ATRNL1: variants seen among roughly 807,000 people sequenced by gnomAD.
The protein encoded by ATRNL1 is attractin like 1, also known as attractin-like protein 1.
A neutral mutation model predicts 182.7 loss-of-function variants in ATRNL1; 95 were observed. The ratio of observed to expected loss-of-function variants is 0.52; its 90% CI spans 0.44 to 0.62. The LOEUF (loss-of-function observed/expected upper bound fraction) is 0.62, where lower values mean the gene tolerates loss of function less well. Ranked by LOEUF, ATRNL1 falls within the 20% of genes least tolerant of loss-of-function variation. The pLI is 0.00. For missense variants in ATRNL1, 1,471 were observed against 1,679.5 expected (o/e 0.88, Z 2.17); for synonymous variants, 576 against 568.3 (o/e 1.01, Z -0.19).
chr10:115,880,904 C>T (rs1951812421), intron 28 of ATRNL1, among the ~76,000 whole-genome samples: 1 of 152,166 alleles, frequency 6.6e-6, no homozygotes, highest in African/African-American at 2.4e-5. Flanking sequence ...TTGTTTTCCC[C>T]TTGAGAAACC....
chr10:115,643,274 G>A (rs1389121221), intron 26 of ATRNL1, among the ~76,000 whole-genome samples: 3 of 152,058 alleles, frequency 2.0e-5, no homozygotes, highest in Non-Finnish European at 4.4e-5. Context: ...GTATAAATAT[G>A]CAAAAAATAA....
intron 27 of ATRNL1, among the ~76,000 whole-genome samples, chr10:115,772,046 C>A (rs538225240): frequency 6.6e-6 from 1 of 152,236 alleles, no homozygotes; most frequent in South Asian, 2.1e-4. Context: ...TCAGGATAGA[C>A]AGTCCTTACA....
At chr10:115,144,679 G>C (rs759416045) in intron 5 of ATRNL1, among the ~76,000 whole-genome samples, 56 of 152,152 alleles carry the variant, frequency 3.7e-4, no homozygotes, top group Non-Finnish European at 7.5e-4. Context: ...GTTATCTTGG[G>C]AAAGTCAATT....
intron 21 of ATRNL1, among the ~76,000 whole-genome samples, chr10:115,430,277 T>A (rs562138093): frequency 7.9e-5 from 12 of 152,252 alleles, no homozygotes; most frequent in Non-Finnish European, 1.2e-4. Context: ...TGCTATTTCA[T>A]AGCATTAGCT....
At chr10:115,200,689 C>A (rs1244971193) in intron 8 of ATRNL1, among the ~76,000 whole-genome samples, 1 of 141,380 alleles carries the variant, frequency 7.1e-6, no homozygotes, top group South Asian at 2.4e-4. Context: ...AGTAAACATA[C>A]ATGTGCATGT....
At chr10:115,161,072 A>T (rs1323845657) in intron 6 of ATRNL1, among the ~76,000 whole-genome samples, 2 of 151,896 alleles carry the variant, frequency 1.3e-5, no homozygotes, top group Admixed American at 1.3e-4. Context: ...CAAATTTTGC[A>T]TGGGTCATTC....
Position 115,426,129 on chromosome 10 carries a change from A to G in ATRNL1, c.3270-121A>G, listed in dbSNP as rs998428840. 6 of 665,826 alleles carry G rather than the reference A, an allele frequency of 9.0e-6. No individual in the cohort carries two copies. In the Admixed American group the frequency reaches 1.5e-4, roughly 17 times the overall value. 41.2% of individuals were successfully genotyped at this position (665,826 alleles called of 1,614,324 possible). A position where few individuals can be genotyped will look rare whatever the true frequency, so the allele number is the denominator to read the frequency against. ...TCAAAGATGTGTTTTTGAAATTTCA[A>G]ATAATGGTATAGTTTTAAATATGTT... On this transcript the variant is annotated intron_variant, in intron 20 of 28. Transcript: ENST00000355044.
intron 19 of ATRNL1, among the ~76,000 whole-genome samples, chr10:115,389,574 A>ATATG (rs1843903335): frequency 1.7e-5 from 2 of 117,102 alleles, no homozygotes; most frequent in Admixed American, 1.7e-4. Context: ...ATATATATAT[A>ATATG]TATATATATA....
In ATRNL1 at chr10:115,798,018, C is replaced by T. The variant is rs567475934; in HGVS notation, c.3904-49859C>T. Among the ~76,000 whole-genome samples the T allele has an allele frequency of 2.6e-4, 40 of 152,126 alleles. No individual in the cohort carries two copies. The East Asian group carries it at 7.4e-3, about 28-fold the overall frequency. On this transcript the variant is annotated intron_variant, in intron 27 of 28. Transcript: ENST00000355044. ...CTGCAAGCTCTGCCTCCCGGGTTCA[C>T]GCCATTCTCCTGCCTCAGCCTCCTG...
intron 26 of ATRNL1, among the ~76,000 whole-genome samples, chr10:115,605,128 T>C (rs1489728288): frequency 6.6e-6 from 1 of 152,178 alleles, no homozygotes; most frequent in Non-Finnish European, 1.5e-5. Context: ...GTGTCATTTT[T>C]ACACAGTTTA....
At chr10:115,116,919 A>G (rs556077184) in intron 1 of ATRNL1, among the ~76,000 whole-genome samples, 3 of 152,138 alleles carry the variant, frequency 2.0e-5, no homozygotes, top group African/African-American at 7.2e-5. Flanking sequence ...ATAGGACGGG[A>G]CAGGGTGTGT....
chr10:115,566,485 G>A (rs1004038050), intron 26 of ATRNL1, among the ~76,000 whole-genome samples: 1 of 152,030 alleles, frequency 6.6e-6, no homozygotes, highest in Admixed American at 6.6e-5. Flanking sequence ...ATTGATATAA[G>A]TTGCATAAAA....
intron 13 of ATRNL1, among the ~76,000 whole-genome samples, chr10:115,272,493 T>C (rs1187147390): frequency 6.6e-6 from 1 of 152,170 alleles, no homozygotes; most frequent in Non-Finnish European, 1.5e-5. Flanking sequence ...TGGAAAAAAT[T>C]ATTCCTTCCT....
intron 26 of ATRNL1, among the ~76,000 whole-genome samples, chr10:115,613,458 T>C (rs1201678005): frequency 6.6e-6 from 1 of 152,206 alleles, no homozygotes; most frequent in Non-Finnish European, 1.5e-5. Context: ...TGCATCTGTA[T>C]TCATCAGGGG....
chr10:115,339,036 G>A (rs1405361729), intron 19 of ATRNL1, among the ~76,000 whole-genome samples: 1 of 152,120 alleles, frequency 6.6e-6, no homozygotes, highest in Non-Finnish European at 1.5e-5. Flanking sequence ...CACTGTAGCT[G>A]TGTCGATTTG....
chr10:115,679,040 A>G (rs1408202907), intron 26 of ATRNL1, among the ~76,000 whole-genome samples: 1 of 152,094 alleles, frequency 6.6e-6, no homozygotes, highest in Non-Finnish European at 1.5e-5. Context: ...TTGGAAATCC[A>G]CTGTGCAGTA....
chr10:115,470,587 C>A (rs1848260929), intron 24 of ATRNL1, among the ~76,000 whole-genome samples: 1 of 149,958 alleles, frequency 6.7e-6, no homozygotes, highest in South Asian at 2.1e-4. Context: ...AAATTGCTTC[C>A]TATCCTTATT....
At chr10:115,492,248 T>C (rs1849335372) in intron 24 of ATRNL1, among the ~76,000 whole-genome samples, 1 of 152,214 alleles carries the variant, frequency 6.6e-6, no homozygotes, top group Non-Finnish European at 1.5e-5. Context: ...GGTTTTTGTT[T>C]AGAAGTCTGC....
rs557934368 is a variant in ATRNL1 at position 115,944,847 on chromosome 10, GC to G, written c.*70del. On this transcript the variant is annotated 3_prime_UTR_variant, in exon 29 of 29. Transcript: ENST00000355044. Reference sequence around the variant, plus strand: ...GGGCTTCTGTTAAAGCTGTTCTATGGCCTTGGATTTTATGGAGGCAGATCTC... The same window carrying G: ...GGGCTTCTGTTAAAGCTGTTCTATGGCTTGGATTTTATGGAGGCAGATCTC... The G allele has an allele frequency of 7.2e-5, 109 of 1,506,680 alleles. No homozygotes were observed. In the South Asian group the frequency reaches 1.4e-3, roughly 19 times the overall value. The allele number at this position is 1,506,680 out of a possible 1,614,324, so 93.3% of individuals were successfully genotyped here. A position where few individuals can be genotyped will look rare whatever the true frequency, so the allele number is the denominator to read the frequency against.
Sources: allele counts gnomAD v4.1 joint callset (sites outside exome capture counted in the v4.1 genomes callset), GRCh38; gene constraint gnomAD v4.1.1; transcripts MANE v1.5; gene names NCBI Gene and HGNC (gene_info 2026-07-23, HGNC 2026-07-21).